CREM: variants seen among roughly 807,000 people sequenced by gnomAD.
The protein encoded by CREM is cAMP-responsive element modulator.
CREM carries 13 observed loss-of-function variants against 37.3 expected under a neutral mutation model. The ratio of observed to expected loss-of-function variants is 0.35; its 90% confidence interval spans 0.23 to 0.55. The LOEUF is 0.55. CREM is among the 20% of genes least tolerant of loss of function. The pLI, the probability that CREM is intolerant of heterozygous loss-of-function variation, is 0.88. For synonymous variants in CREM, 124 were observed against 120.2 expected (o/e 1.03, Z -0.21); for missense variants, 296 against 362.3 (o/e 0.82, Z 1.49).
intron 3 of CREM, chr10:35,158,363 GAGA>G (rs1007669629): frequency 8.5e-6 from 2 of 234,908 alleles, no homozygotes; most frequent in Middle Eastern, 1.6e-3. Flanking sequence ...GCAGGCTGCT[GAGA>G]AGGTTTCCAA....
At chr10:35,202,732 G>A (rs914458895) in intron 6 of CREM, among the ~76,000 whole-genome samples, 4 of 152,058 alleles carry the variant, frequency 2.6e-5, no homozygotes, top group South Asian at 2.1e-4. Context: ...GAACTAATGC[G>A]CTTGTCATTT....
intron 5 of CREM, among the ~76,000 whole-genome samples, chr10:35,185,915 G>T (rs962110297): frequency 4.6e-5 from 7 of 152,156 alleles, no homozygotes; most frequent in Non-Finnish European, 1.0e-4. Flanking sequence ...TTAGGTGAAA[G>T]AAGTGAAAAT....
At chr10:35,187,941 C>T (rs2094723233) in intron 5 of CREM, among the ~76,000 whole-genome samples, 1 of 152,212 alleles carries the variant, frequency 6.6e-6, no homozygotes. Flanking sequence ...CAGCTGGATG[C>T]TAAGGAGGAG....
intron 7 of CREM, chr10:35,210,402 A>G (rs2095640104): frequency 6.6e-6 from 1 of 152,106 alleles, no homozygotes; most frequent in Non-Finnish European, 1.5e-5. Context: ...GACTAAGTCA[A>G]CTCATCTGTT....
chr10:35,182,974 G>T (rs1331715841), intron 5 of CREM, among the ~76,000 whole-genome samples: 1 of 152,150 alleles, frequency 6.6e-6, no homozygotes, highest in Non-Finnish European at 1.5e-5. Flanking sequence ...GTAAATGAGT[G>T]AATTTGTAAA....
intron 3 of CREM, among the ~76,000 whole-genome samples, chr10:35,165,188 T>C (rs1351614230): frequency 6.6e-6 from 1 of 152,038 alleles, no homozygotes; most frequent in African/African-American, 2.4e-5. Context: ...TATCTGCTTC[T>C]AGGGAAGCCT....
chr10:35,136,867 C>G (rs1358803228), intron 1 of CREM, among the ~76,000 whole-genome samples: 1 of 147,550 alleles, frequency 6.8e-6, no homozygotes, highest in African/African-American at 2.5e-5. Flanking sequence ...GTCACCTAGG[C>G]TGGAGTACAG....
chr10:35,157,733 A>G (rs543353202), intron 3 of CREM, among the ~76,000 whole-genome samples: 1 of 152,264 alleles, frequency 6.6e-6, no homozygotes, highest in African/African-American at 2.4e-5. Context: ...GGCAAAAGAA[A>G]GAAAAGGCAA....
chr10:35,160,997 T>C (rs2093258851), intron 3 of CREM, among the ~76,000 whole-genome samples: 1 of 152,218 alleles, frequency 6.6e-6, no homozygotes, highest in African/African-American at 2.4e-5. Flanking sequence ...CTGAAAGACC[T>C]GCCTGAGGCT....
Position 35,139,368 on chromosome 10 carries a change from C to G in CREM, c.44+1489C>G, listed in dbSNP as rs527302543. Among the ~76,000 whole-genome samples, 33 of 152,308 alleles carry G rather than the reference C, an allele frequency of 2.2e-4. 1 individual carries two copies. Among genetic ancestry groups the G allele is most frequent in the Admixed American group, 2.0e-3 (30 of 15,288 alleles). ...CTCCTGACCTCAGGTGATCCACCTGCCTAGCCCTCCCAAAGTGCTGGGATT... is the reference window on the plus strand; with the variant it reads ...CTCCTGACCTCAGGTGATCCACCTGGCTAGCCCTCCCAAAGTGCTGGGATT... On this transcript the variant is annotated intron_variant, in intron 2 of 7. Coordinates refer to ENST00000685392, the MANE Select transcript of CREM (RefSeq NM_183011.2).
At chr10:35,177,312 T>A (rs977813143) in intron 3 of CREM, among the ~76,000 whole-genome samples, 2 of 152,234 alleles carry the variant, frequency 1.3e-5, no homozygotes, top group African/African-American at 4.8e-5. Flanking sequence ...TGATGGCCCC[T>A]GATTCCAAGA....
At chr10:35,193,754 TGTG>T (rs1202785045) in intron 6 of CREM, among the ~76,000 whole-genome samples, 1 of 152,088 alleles carries the variant, frequency 6.6e-6, no homozygotes, top group Non-Finnish European at 1.5e-5. Context: ...ACAGCTAAAA[TGTG>T]GTGGGATGTC....
chr10:35,154,250 G>C (rs1330996174), intron 3 of CREM: 7 of 392,272 alleles, frequency 1.8e-5, no homozygotes, highest in Non-Finnish European at 2.7e-5. Context: ...AAATCTTCTT[G>C]GTCCCACATA....
At chr10:35,141,486 AG>A (rs536907749) in intron 2 of CREM, among the ~76,000 whole-genome samples, 150 of 152,136 alleles carry the variant, frequency 9.9e-4, no homozygotes, top group African/African-American at 3.4e-3. Flanking sequence ...AATGACAGAG[AG>A]GGAGTTTCAG....
intron 3 of CREM, among the ~76,000 whole-genome samples, chr10:35,177,461 ATTATTAT>A (rs886399710): frequency 6.6e-6 from 1 of 152,148 alleles, no homozygotes; most frequent in African/African-American, 2.4e-5. Flanking sequence ...ATTGTCTATT[ATTATTAT>A]TTATTATTTA....
intron 6 of CREM, among the ~76,000 whole-genome samples, chr10:35,190,367 G>A (rs1475812746): frequency 6.6e-6 from 1 of 152,154 alleles, no homozygotes; most frequent in Admixed American, 6.5e-5. Flanking sequence ...CTCCGTATAT[G>A]GAGCCACTCC....
At chr10:35,172,757 C>T (rs1224988187) in intron 3 of CREM, among the ~76,000 whole-genome samples, 8 of 152,248 alleles carry the variant, frequency 5.3e-5, no homozygotes, top group East Asian at 3.9e-4. Flanking sequence ...AGGAAAAGCA[C>T]GTGTGTTATT....
intron 3 of CREM, among the ~76,000 whole-genome samples, chr10:35,174,460 GTT>G (rs2093960689): frequency 6.6e-6 from 1 of 152,220 alleles, no homozygotes; most frequent in Non-Finnish European, 1.5e-5. Context: ...AGAGAAGTTA[GTT>G]TTCCAAGGGA....
intron 6 of CREM, among the ~76,000 whole-genome samples, chr10:35,192,210 T>A (rs2094947152): frequency 6.6e-6 from 1 of 152,170 alleles, no homozygotes; most frequent in African/African-American, 2.4e-5. Context: ...CTTGGCTCAG[T>A]TTTTTGGGAA....
Sources: gnomAD v4.1 joint callset for allele counts (sites outside exome capture counted in the v4.1 genomes callset) on GRCh38, gnomAD v4.1.1 for gene constraint, MANE v1.5 for transcripts, NCBI Gene and HGNC (gene_info 2026-07-23, HGNC 2026-07-21) for gene names.